The following PTH2R variants were observed in gnomAD, a reference collection of about 807,000 sequenced individuals.
PTH2R encodes the protein PTH2 receptor.
PTH2R carries 59 observed loss-of-function variants against 60.3 expected under a neutral mutation model. That is an observed-to-expected ratio of 0.98 (90% CI 0.79 to 1.22). PTH2R has a LOEUF of 1.22. Among genes scored for constraint, PTH2R ranks in the 50% most tolerant of loss-of-function variants. The pLI, the probability that PTH2R is intolerant of heterozygous loss-of-function variation, is 0.00. For synonymous variants in PTH2R, 256 were observed against 243.8 expected (o/e 1.05, Z -0.47); for missense variants, 749 against 682.6 (o/e 1.10, Z -1.08).
chr2:208,407,078 G>T lies in PTH2R; in HGVS notation c.35G>T (p.Gly12Val). The T allele has an allele frequency of 7.2e-7, 1 of 1,397,200 alleles. No individual in the cohort carries two copies. Among genetic ancestry groups the T allele is most frequent in the Non-Finnish European group, 9.4e-7 (1 of 1,068,792 alleles). The allele number at this position is 1,397,200 out of a possible 1,614,324, so 86.6% of individuals were successfully genotyped here. A position where few individuals can be genotyped will look rare whatever the true frequency, so the allele number is the denominator to read the frequency against. Residue 12 changes from glycine to valine, a missense_variant, in exon 1 of 13, where the codon GGT becomes GTT. Gly to Val is a moderately radical substitution (Grantham distance 109). Transcript: ENST00000272847. ...AGLGASLHVW[G>V]WLMLGSCLLA... ...CTGGGGGCGTCGCTCCACGTCTGGG[G>T]TTGGCTAATGCTCGGCAGCTGCCTC...
intron 1 of PTH2R, among the ~76,000 whole-genome samples, chr2:208,373,271 T>C (rs184558224): frequency 0.011 from 1,728 of 152,202 alleles, 18 homozygotes; most frequent in Non-Finnish European, 0.018. Flanking sequence ...GTTTCTGATG[T>C]TTTCACCTAT....
At chr2:208,467,959 A>AT (rs772689302) in intron 9 of PTH2R, among the ~76,000 whole-genome samples, 14 of 152,218 alleles carry the variant, frequency 9.2e-5, no homozygotes, top group Middle Eastern at 3.2e-3. Context: ...AACAGGGAGA[A>AT]TGAAGACTCT....
chr2:208,384,969 G>A (rs1414007037), intron 1 of PTH2R, among the ~76,000 whole-genome samples: 1 of 152,122 alleles, frequency 6.6e-6, no homozygotes, highest in African/African-American at 2.4e-5. Flanking sequence ...CTTAGAATTA[G>A]AATAAAAAAG....
chr2:208,368,218 CT>C (rs953912361), intron 1 of PTH2R, among the ~76,000 whole-genome samples: 3 of 152,136 alleles, frequency 2.0e-5, no homozygotes, highest in Non-Finnish European at 4.4e-5. Flanking sequence ...CTTTGACAAT[CT>C]TTTTTACCTA....
chr2:208,433,361 T>C (rs912347242), intron 2 of PTH2R, among the ~76,000 whole-genome samples: 7 of 152,218 alleles, frequency 4.6e-5, no homozygotes, highest in Admixed American at 4.6e-4. Flanking sequence ...TCAAGTGCTC[T>C]TTACTTTAAA....
chr2:208,460,395 C>T (rs1702610706), intron 9 of PTH2R, among the ~76,000 whole-genome samples: 2 of 151,922 alleles, frequency 1.3e-5, no homozygotes, highest in Non-Finnish European at 2.9e-5. Context: ...TAAAGTATTC[C>T]CTAAATCTTT....
intron 1 of PTH2R, among the ~76,000 whole-genome samples, chr2:208,388,241 C>T (rs998727661): frequency 9.3e-5 from 14 of 150,974 alleles, no homozygotes; most frequent in Admixed American, 3.3e-4. Flanking sequence ...GGAATGAATC[C>T]GGGAGGTGGA....
intron 10 of PTH2R, among the ~76,000 whole-genome samples, chr2:208,484,875 G>C (rs1287464543): frequency 6.6e-6 from 1 of 152,120 alleles, no homozygotes. Flanking sequence ...TCCCATGGTT[G>C]TTAGAATAAA....
At chr2:208,399,829 A>G (rs2105822512) in intron 1 of PTH2R, among the ~76,000 whole-genome samples, 1 of 152,254 alleles carries the variant, frequency 6.6e-6, no homozygotes, top group South Asian at 2.1e-4. Context: ...AGGACTCCCA[A>G]CATAGCATGT....
intron 1 of PTH2R, among the ~76,000 whole-genome samples, chr2:208,415,792 A>G (rs1467437984): frequency 3.9e-5 from 6 of 152,258 alleles, no homozygotes; most frequent in Admixed American, 2.0e-4. Context: ...CTTTTAAAAA[A>G]TGAGGCTGCA....
At chr2:208,456,170 A>C (rs1415283721) in intron 8 of PTH2R, among the ~76,000 whole-genome samples, 1 of 152,048 alleles carries the variant, frequency 6.6e-6, no homozygotes, top group Non-Finnish European at 1.5e-5. Context: ...TGAACTGGGG[A>C]AGCAGAGGCT....
chr2:208,479,227 G>T (rs2105903759), intron 9 of PTH2R, among the ~76,000 whole-genome samples: 1 of 152,110 alleles, frequency 6.6e-6, no homozygotes, highest in South Asian at 2.1e-4. Flanking sequence ...AATTTTTCTG[G>T]GGGTGGGGGG....
At chr2:208,488,146 A>G (rs1441605849) in intron 10 of PTH2R, among the ~76,000 whole-genome samples, 1 of 152,218 alleles carries the variant, frequency 6.6e-6, no homozygotes, top group Non-Finnish European at 1.5e-5. Flanking sequence ...GTTAAGGAGA[A>G]TGATGAAACT....
chr2:208,416,061 A>G (rs1394270115), intron 1 of PTH2R, among the ~76,000 whole-genome samples: 1 of 152,212 alleles, frequency 6.6e-6, no homozygotes, highest in Non-Finnish European at 1.5e-5. Flanking sequence ...GAGTAATATC[A>G]GTAACATTTG....
At chr2:208,427,099 G>A (rs992650721) in intron 1 of PTH2R, among the ~76,000 whole-genome samples, 1 of 152,126 alleles carries the variant, frequency 6.6e-6, no homozygotes, top group Non-Finnish European at 1.5e-5. Context: ...AAATATTCAC[G>A]TTTGATAATT....
chr2:208,471,150 A>C (rs1336638432), intron 9 of PTH2R, among the ~76,000 whole-genome samples: 1 of 152,208 alleles, frequency 6.6e-6, no homozygotes, highest in Non-Finnish European at 1.5e-5. Context: ...ACAGAGCATA[A>C]AAGTTTGGAA....
intron 1 of PTH2R, among the ~76,000 whole-genome samples, chr2:208,396,377 C>G (rs1201812322): frequency 2.0e-5 from 3 of 152,114 alleles, no homozygotes; most frequent in Non-Finnish European, 4.4e-5. Context: ...AACAGGCAAC[C>G]TACAGAATGG....
At chr2:208,382,744 T>A (rs1700938515) in intron 1 of PTH2R, among the ~76,000 whole-genome samples, 1 of 152,224 alleles carries the variant, frequency 6.6e-6, no homozygotes, top group Admixed American at 6.5e-5. Context: ...GAAGTTTTGG[T>A]GTTACTCTGT....
chr2:208,448,746 TC>T (rs1273540482), intron 7 of PTH2R, among the ~76,000 whole-genome samples: 3 of 151,464 alleles, frequency 2.0e-5, no homozygotes, highest in Non-Finnish European at 2.9e-5. Flanking sequence ...CATTTACATG[TC>T]AAGTATTTTT....
Sources: gnomAD v4.1 joint callset for allele counts (sites outside exome capture counted in the v4.1 genomes callset) on GRCh38, gnomAD v4.1.1 for gene constraint, MANE v1.5 for transcripts, NCBI Gene and HGNC (gene_info 2026-07-23, HGNC 2026-07-21) for gene names.